Variants in CCSER2 observed in about 807,000 individuals in gnomAD.
CCSER2 encodes serine-rich coiled-coil domain-containing protein 2.
CCSER2 carries 46 observed loss-of-function variants against 92.3 expected under a neutral mutation model. The ratio of observed to expected loss-of-function variants is 0.50; its 90% confidence interval spans 0.39 to 0.64. The LOEUF (loss-of-function observed/expected upper bound fraction) is 0.64. CCSER2 is among the 30% of genes least tolerant of loss of function. The pLI, the probability that CCSER2 is intolerant of heterozygous loss-of-function variation, is 0.00. For synonymous variants in CCSER2, 433 were observed against 431.4 expected (o/e 1.00, Z -0.04); for missense variants, 1,244 against 1,238.9 (o/e 1.00, Z -0.06).
intron 3 of CCSER2, among the ~76,000 whole-genome samples, chr10:84,382,304 A>G (rs1014108009): frequency 1.3e-5 from 2 of 152,108 alleles, no homozygotes; most frequent in African/African-American, 4.8e-5. Flanking sequence ...TGGACTACCT[A>G]CTACCTTTGG....
At chr10:84,471,457 A>C (rs1455287007) in intron 8 of CCSER2, among the ~76,000 whole-genome samples, 1 of 152,122 alleles carries the variant, frequency 6.6e-6, no homozygotes, top group East Asian at 1.9e-4. Context: ...TTTTACAAAA[A>C]TATATTACAG....
Position 84,513,648 on chromosome 10 carries a change from C to T in CCSER2, c.2525C>T (p.Ser842Leu). ...TATGGTTTGGAAGAGCAGCCTTTTTCATCAGGCCCACAATTAACAATGGAT... is the reference window on the plus strand; with the variant it reads ...TATGGTTTGGAAGAGCAGCCTTTTTTATCAGGCCCACAATTAACAATGGAT... ...SNYGLEEQPF[S>L]SGPQLTMDVA... is the part of the protein sequence containing the mutation. Residue 842 changes from serine (S) to leucine (L), a missense_variant, in exon 10 of 10, where the codon TCA becomes TTA. Transcript: ENST00000372088. The T allele has an allele frequency of 1.3e-6, 2 of 1,582,550 alleles. No homozygotes were observed.
Position 84,409,571 on chromosome 10 carries a change from G to A in CCSER2, c.1615-8200G>A, listed in dbSNP as rs1372310226. On this transcript the variant is annotated intron_variant, in intron 3 of 9. Transcript: ENST00000372088. Reference sequence around the variant, plus strand: ...TGCTGTTTTAGATAACTGCTTGATTGCTCTCTTTTTTTTTTTCTTAAACCA... The same window carrying A: ...TGCTGTTTTAGATAACTGCTTGATTACTCTCTTTTTTTTTTTCTTAAACCA... 2.1e-5 allele frequency among the ~76,000 whole-genome samples: 3 copies of A among 146,238 alleles called. No homozygotes were observed. In the East Asian group the frequency reaches 6.1e-4, roughly 30 times the overall value.
intron 8 of CCSER2, among the ~76,000 whole-genome samples, chr10:84,472,701 CATATG>C (rs1564701073): frequency 6.6e-6 from 1 of 152,060 alleles, no homozygotes; most frequent in Non-Finnish European, 1.5e-5. Flanking sequence ...TTTATATGGA[CATATG>C]ATAAATAATG....
chr10:84,501,822 G>GAAAAAAAAAA, intron 9 of CCSER2, among the ~76,000 whole-genome samples: 1 of 29,014 alleles, frequency 3.4e-5, no homozygotes, highest in Non-Finnish European at 9.3e-5. Context: ...GTCATCTAGG[G>GAAAAAAAAAA]AAAAAAAAAA....
intron 5 of CCSER2, among the ~76,000 whole-genome samples, chr10:84,431,646 G>C (rs946445883): frequency 2.0e-5 from 3 of 152,016 alleles, no homozygotes; most frequent in Non-Finnish European, 4.4e-5. Flanking sequence ...GGAGGCTGAG[G>C]TGGGGGGATC....
rs1276840771 is a variant in CCSER2, at chr10:84,517,567, A to G, written c.*3300A>G. 6.6e-6 allele frequency: 1 copy of G among 152,632 alleles called. No homozygotes were observed. Among genetic ancestry groups the G allele is most frequent in the African/African-American group, 2.4e-5 (1 of 41,454 alleles). The allele number at this position is 152,632 out of a possible 1,614,324, so 9.5% of individuals were successfully genotyped here. A position where few individuals can be genotyped will look rare whatever the true frequency, so the allele number is the denominator to read the frequency against. On this transcript the variant is annotated 3_prime_UTR_variant, in exon 10 of 10. Transcript: ENST00000372088. The stretch of plus-strand genomic sequence containing the variant: ...TTAATTGCTTGAAGTTGTGCCTGAA[A>G]TATCGAATTGCCTCCTATTGGGTGT...
At chr10:84,489,660 T>C (rs1206880664) in intron 9 of CCSER2, among the ~76,000 whole-genome samples, 4 of 152,224 alleles carry the variant, frequency 2.6e-5, no homozygotes, top group African/African-American at 9.6e-5. Flanking sequence ...GTCTCCTGAA[T>C]ATAGCACACT....
intron 4 of CCSER2, chr10:84,425,191 C>A: frequency 1.0e-6 from 1 of 982,956 alleles, no homozygotes; most frequent in Non-Finnish European, 1.2e-6. Context: ...CAAGCTCTTA[C>A]TGCAGGCAGA....
Position 84,514,202 on chromosome 10 carries a change from T to C in CCSER2, c.3079T>C (p.Leu1027=), listed in dbSNP as rs980524217. ...AATCATGCAGAATCCAAATGGCAAT[T>C]TGCATTCTGGGGATTGTTTGGCCTC... The part of the protein sequence containing the change: ...KEIMQNPNGN[L]HSGDCLASNR... The change falls in exon 10 of 10, where the codon TTG becomes CTG. Residue 1027 remains leucine, a synonymous_variant. Coordinates refer to ENST00000372088, the MANE Select transcript of CCSER2 (RefSeq NM_001284240.2). The C allele has an allele frequency of 3.0e-5, 46 of 1,536,382 alleles. No individual in the cohort carries two copies. Among genetic ancestry groups the C allele is most frequent in the Non-Finnish European group, 3.9e-5 (45 of 1,147,016 alleles).
At chr10:84,510,797 TA>T (rs1849308888) in intron 9 of CCSER2, among the ~76,000 whole-genome samples, 1 of 152,310 alleles carries the variant, frequency 6.6e-6, no homozygotes, top group East Asian at 1.9e-4. Context: ...CAGGGGTAAT[TA>T]GCGGCAATCC....
chr10:84,392,060 C>T (rs1480398190), intron 3 of CCSER2: 1 of 1,050,890 alleles, frequency 9.5e-7, no homozygotes, highest in African/African-American at 1.6e-5. Context: ...TACACTTAAG[C>T]TGCAGTCCCA....
At chr10:84,332,066 T>C (rs979880343) in intron 1 of CCSER2, among the ~76,000 whole-genome samples, 2 of 152,198 alleles carry the variant, frequency 1.3e-5, no homozygotes, top group South Asian at 4.1e-4. Flanking sequence ...CTGAAAAATA[T>C]TACTAGATTT....
At chr10:84,366,743 C>T (rs1429328356) in intron 1 of CCSER2, among the ~76,000 whole-genome samples, 1 of 152,180 alleles carries the variant, frequency 6.6e-6, no homozygotes, top group African/African-American at 2.4e-5. Flanking sequence ...GCTCCCTGTA[C>T]AATGAGTTTT....
rs1460796764 is a variant in CCSER2 at position 84,328,609 on chromosome 10, C to G, written c.-239C>G. ...AGGGCGGAGTCCGGGCGGGCGCCGG[C>G]CGAGGGAGGGGGCGCGGCGGCTTTG... On this transcript the variant is annotated 5_prime_UTR_variant, in exon 1 of 10. Transcript: ENST00000372088. The G allele has an allele frequency of 6.7e-6, 1 of 150,074 alleles. No homozygotes were observed. Among genetic ancestry groups the G allele is most frequent in the Non-Finnish European group, 1.5e-5 (1 of 67,360 alleles). 9.3% of individuals were successfully genotyped at this position (150,074 alleles called of 1,614,324 possible).
chr10:84,471,129 A>G (rs1479878531), intron 8 of CCSER2, among the ~76,000 whole-genome samples: 1 of 152,146 alleles, frequency 6.6e-6, no homozygotes, highest in African/African-American at 2.4e-5. Context: ...CTAACAAAGC[A>G]ATTTGGTGAA....
intron 9 of CCSER2, among the ~76,000 whole-genome samples, chr10:84,502,234 G>T (rs1161305597): frequency 2.0e-5 from 3 of 151,914 alleles, no homozygotes; most frequent in Admixed American, 1.3e-4. Flanking sequence ...CTTGTAGTCA[G>T]ATGATACTTG....
chr10:84,512,581 T>C (rs1438130838), intron 9 of CCSER2, among the ~76,000 whole-genome samples: 1 of 152,220 alleles, frequency 6.6e-6, no homozygotes, highest in African/African-American at 2.4e-5. Flanking sequence ...TCTGATTGTT[T>C]TTGAAACATA....
chr10:84,458,700 C>T (rs1169557814), intron 6 of CCSER2, among the ~76,000 whole-genome samples: 1 of 152,050 alleles, frequency 6.6e-6, no homozygotes, highest in Non-Finnish European at 1.5e-5. Flanking sequence ...TCTCTGATTT[C>T]TTTCACATAT....
Sources: gnomAD v4.1 joint callset for allele counts (sites outside exome capture counted in the v4.1 genomes callset) on GRCh38, gnomAD v4.1.1 for gene constraint, MANE v1.5 for transcripts, NCBI Gene and HGNC (gene_info 2026-07-23, HGNC 2026-07-21) for gene names.